Variants in VAV1 observed in about 807,000 individuals in gnomAD.
The protein encoded by VAV1 is vav guanine nucleotide exchange factor 1.
A neutral mutation model predicts 128.1 loss-of-function variants in VAV1; 33 were observed. That is an observed-to-expected ratio of 0.26 (90% confidence interval 0.20 to 0.34). The LOEUF (loss-of-function observed/expected upper bound fraction) is 0.34. Among genes scored for constraint, VAV1 ranks in the 10% least tolerant of loss-of-function variants. The pLI, the probability that VAV1 is intolerant of heterozygous loss-of-function variation, is 1.00. For missense variants in VAV1, 715 were observed against 1,093.7 expected, an observed-to-expected ratio of 0.65 and a Z score of 4.88; for synonymous variants, 394 against 409.8, an observed-to-expected ratio of 0.96 and a Z score of 0.47.
chr19:6,804,869 G>A (rs1335946767), intron 1 of VAV1, among the ~76,000 whole-genome samples: 4 of 151,678 alleles, frequency 2.6e-5, no homozygotes, highest in South Asian at 2.1e-4. Flanking sequence ...GACTACAGGC[G>A]CCCGCCACCA....
chr19:6,847,908 G>GGT, intron 22 of VAV1, 90 bp from the exon 23 acceptor site: 1 of 1,208,498 alleles, frequency 8.3e-7, no homozygotes, highest in Non-Finnish European at 1.1e-6. Context: ...AAAATCAAAG[G>GGT]GGTTCAGGGG....
rs376762980 is a variant in VAV1 at position 6,833,643 on chromosome 19, G to T, written c.1708+18G>T. 693 of 1,613,970 alleles carry T rather than the reference G, an allele frequency of 4.3e-4. No homozygotes were observed. The highest frequency in any genetic ancestry group is 5.5e-4 in the Non-Finnish European group (652 of 1,179,996). ...TGGGCAAGGTACGAGTGGGAGGGAG[G>T]CTGGGAGGTGAGCTTGGTTCTCTTT... On this transcript the variant is annotated intron_variant, in intron 17 of 26. Transcript: ENST00000602142.
chr19:6,848,071 C>T lies in VAV1; in HGVS notation c.2086C>T (p.Arg696Trp), dbSNP rs1398201999. ...ANRSDGTFLVRQRVKDAAEFA... is the reference protein window; with the variant it reads ...ANRSDGTFLVWQRVKDAAEFA... ...CCGCTCGGACGGGACTTTCTTGGTG[C>T]GGCAGAGGGTGAAGGATGCAGCAGA... is the stretch of plus-strand genomic sequence containing the variant. Residue 696 changes from arginine to tryptophan, a missense_variant, in exon 23 of 27, where the codon CGG (arginine) becomes TGG (tryptophan). Arg to Trp is a moderately radical substitution (Grantham distance 101). Transcript: ENST00000602142. 2 of 1,550,582 alleles carry T rather than the reference C, an allele frequency of 1.3e-6. No individual in the cohort carries two copies. Among genetic ancestry groups the T allele is most frequent in the Admixed American group, 4.4e-5 (2 of 45,764 alleles).
chr19:6,776,455 TCCAC>T (rs1599610631), intron 1 of VAV1, among the ~76,000 whole-genome samples: 3 of 122,414 alleles, frequency 2.5e-5, no homozygotes, highest in Non-Finnish European at 3.5e-5. Context: ...CACCCACCCA[TCCAC>T]CCACCCATCC....
Position 6,820,797 on chromosome 19 carries a change from C to T in VAV1, c.300C>T (p.Phe100=), listed in dbSNP as rs147883329. 4.4e-5 allele frequency: 71 copies of T among 1,614,064 alleles called. No homozygotes were observed. Among genetic ancestry groups the T allele is most frequent in the Admixed American group, 1.2e-4 (7 of 59,996 alleles). ...RSELFEAFDL[F]DVQDFGKVIY... ...AGCTCTTCGAAGCCTTTGACCTCTTCGATGTGCAGGATTTTGGCAAGGTGA... is the reference window on the plus strand; with the variant it reads ...AGCTCTTCGAAGCCTTTGACCTCTTTGATGTGCAGGATTTTGGCAAGGTGA... The change falls in exon 2 of 27, where the codon TTC becomes TTT. Residue 100 remains phenylalanine (F), a synonymous_variant. Transcript: ENST00000602142. This position sits in a 1 kb window ranked among gnomAD's most constrained non-coding sequence, Gnocchi z 4.4.
intron 26 of VAV1, among the ~76,000 whole-genome samples, chr19:6,854,314 C>T (rs1008469634): frequency 7.2e-5 from 11 of 152,070 alleles, no homozygotes; most frequent in African/African-American, 2.4e-4. Flanking sequence ...TGCTGGGTGT[C>T]GAGGAGACAG....
intron 1 of VAV1, among the ~76,000 whole-genome samples, chr19:6,809,457 A>G (rs546220398): frequency 3.7e-4 from 56 of 152,290 alleles, no homozygotes; most frequent in African/African-American, 1.3e-3. Flanking sequence ...GCAACCTTAT[A>G]TATGAGACCT....
Position 6,820,914 on chromosome 19 carries a change from C to A in VAV1, c.321+96C>A. 1 of 1,171,840 alleles carries A rather than the reference C, an allele frequency of 8.5e-7. No individual in the cohort carries two copies. The highest frequency in any genetic ancestry group is 1.8e-5 in the Admixed American group (1 of 57,036). The allele number at this position is 1,171,840 out of a possible 1,614,324, so 72.6% of individuals were successfully genotyped here. On this transcript the variant is annotated intron_variant, in intron 2 of 26. Coordinates refer to ENST00000602142, the MANE Select transcript of VAV1 (RefSeq NM_005428.4). This position sits in a 1 kb window ranked among gnomAD's most constrained non-coding sequence, Gnocchi z 4.4. ...TAAGGACTGTCAGGGGACAGGCAGA[C>A]AAGCCAGACCAGGCCATATACAAGA...
At chr19:6,836,923 G>A in intron 20 of VAV1, 62 bp from the exon 21 acceptor site, 1 of 1,539,534 alleles carries the variant, frequency 6.5e-7, no homozygotes, top group Admixed American at 1.7e-5. Context: ...GGGTTTAGAT[G>A]GCAGGTGGGG....
chr19:6,857,092 T>C lies in VAV1; in HGVS notation c.2523T>C (p.Tyr841=). The C allele has an allele frequency of 6.2e-7, 1 of 1,614,110 alleles. No individual in the cohort carries two copies. Among genetic ancestry groups the C allele is most frequent in the Non-Finnish European group, 8.5e-7 (1 of 1,179,996 alleles). The change falls in exon 27 of 27, where the codon TAT becomes TAC. Residue 841 remains tyrosine (Y), a synonymous_variant. Transcript: ENST00000602142. ...WFPANYVEED[Y]SEYC ...CTGCCAACTACGTGGAGGAAGATTA[T>C]TCTGAATACTGCTGAGCCCTGGTGC...
Position 6,856,935 on chromosome 19 carries a change from T to C in VAV1, c.2485-119T>C. Reference sequence around the variant, plus strand: ...ACGTTGGGTGATGTGTTTTCTGGGATAGACAGAAGGAAGAGCAGGTGCAAA... The same window carrying C: ...ACGTTGGGTGATGTGTTTTCTGGGACAGACAGAAGGAAGAGCAGGTGCAAA... On this transcript the variant is annotated intron_variant, in intron 26 of 26. Coordinates refer to ENST00000602142, the MANE Select transcript of VAV1 (RefSeq NM_005428.4). 4 of 802,178 alleles carry C rather than the reference T, an allele frequency of 5.0e-6. 1 individual carries two copies. The highest frequency in any genetic ancestry group is 3.1e-5 in the South Asian group (2 of 64,740). 49.7% of individuals were successfully genotyped at this position (802,178 alleles called of 1,614,324 possible).
At chr19:6,803,354 T>C (rs1458144740) in intron 1 of VAV1, among the ~76,000 whole-genome samples, 2 of 152,168 alleles carry the variant, frequency 1.3e-5, no homozygotes, top group African/African-American at 4.8e-5. Flanking sequence ...GTCATTGCCT[T>C]GGGAAAGGAG....
intron 1 of VAV1, among the ~76,000 whole-genome samples, chr19:6,780,117 A>ATAATAG (rs1970737547): frequency 4.1e-5 from 3 of 72,466 alleles, no homozygotes; most frequent in Non-Finnish European, 9.0e-5. Flanking sequence ...TCTTAAAATA[A>ATAATAG]TAATAATAAT....
intron 22 of VAV1, among the ~76,000 whole-genome samples, chr19:6,847,000 G>A (rs1302491074): frequency 1.3e-5 from 2 of 149,392 alleles, no homozygotes; most frequent in Non-Finnish European, 3.0e-5. Context: ...TGCAACCTCC[G>A]CCTACCGAGT....
intron 1 of VAV1, among the ~76,000 whole-genome samples, chr19:6,818,476 T>C (rs897223964): frequency 6.6e-6 from 1 of 152,198 alleles, no homozygotes. Flanking sequence ...CTCCAACATG[T>C]TAGGCAAGAT....
At chr19:6,823,107 G>T (rs1050621717) in intron 6 of VAV1, among the ~76,000 whole-genome samples, 2 of 146,152 alleles carry the variant, frequency 1.4e-5, no homozygotes, top group Non-Finnish European at 3.0e-5. Context: ...ATACATAAAA[G>T]ATATATATCT....
At position 6,836,691 on chromosome 19, in the gene VAV1, G is replaced by A. The variant is rs573095405; in HGVS notation, c.1914+123G>A. On this transcript the variant is annotated intron_variant, in intron 20 of 26. Coordinates refer to ENST00000602142, the MANE Select transcript of VAV1 (RefSeq NM_005428.4). ...CTGGAGGTGATGCCTGGGGAGTGGG[G>A]TAGGTAGACTGAGACTTCTGGGCAT... 739 of 1,445,254 alleles carry A rather than the reference G, an allele frequency of 5.1e-4. 1 individual carries two copies. The highest frequency in any genetic ancestry group is 9.4e-4 in the South Asian group (68 of 72,566). The allele number at this position is 1,445,254 out of a possible 1,614,324, so 89.5% of individuals were successfully genotyped here.
chr19:6,828,266 A>G lies in VAV1; in HGVS notation c.1023+95A>G. 6.5e-7 allele frequency: 1 copy of G among 1,532,414 alleles called. No individual in the cohort carries two copies. The highest frequency in any genetic ancestry group is 8.9e-7 in the Non-Finnish European group (1 of 1,118,730). The allele number at this position is 1,532,414 out of a possible 1,614,324, so 94.9% of individuals were successfully genotyped here. On this transcript the variant is annotated intron_variant, in intron 10 of 26. Coordinates refer to ENST00000602142, the MANE Select transcript of VAV1 (RefSeq NM_005428.4). This position sits in a 1 kb window ranked among gnomAD's most constrained non-coding sequence, Gnocchi z 4.5. ...GCTGGCTTCTGGGGGTTGGGTCTCTAGGACGCTCGGGGATGGGTCACTGGG... is the reference window on the plus strand; with the variant it reads ...GCTGGCTTCTGGGGGTTGGGTCTCTGGGACGCTCGGGGATGGGTCACTGGG...
chr19:6,797,946 A>C (rs945358512), intron 1 of VAV1, among the ~76,000 whole-genome samples: 1 of 152,054 alleles, frequency 6.6e-6, no homozygotes, highest in Non-Finnish European at 1.5e-5. Flanking sequence ...CTTAAAAAAA[A>C]AAAAACCAGC....
Sources: allele counts gnomAD v4.1 joint callset (sites outside exome capture counted in the v4.1 genomes callset), GRCh38; gene constraint gnomAD v4.1.1; non-coding constraint Gnocchi (gnomAD v3.1); transcripts MANE v1.5; gene names NCBI Gene and HGNC (gene_info 2026-07-23, HGNC 2026-07-21).